Variants in ZSCAN23 observed in about 807,000 individuals in gnomAD.
ZSCAN23 encodes the protein zinc finger and SCAN domain containing 23.
In ZSCAN23, 19 loss-of-function variants were observed where a neutral mutation model predicts 19.3. The ratio of observed to expected loss-of-function variants is 0.99; its 90% CI spans 0.69 to 1.45. The LOEUF (loss-of-function observed/expected upper bound fraction) is 1.45. ZSCAN23 is among the 40% of genes most tolerant of loss of function. The pLI is 0.00. For missense variants in ZSCAN23, 372 were observed against 462.5 expected, an observed-to-expected ratio of 0.80 and a Z score of 1.79; for synonymous variants, 140 against 166.2, an observed-to-expected ratio of 0.84 and a Z score of 1.21.
At chr6:28,429,885 G>A (rs1581799923), downstream of ZSCAN23, among the ~76,000 whole-genome samples, 1 of 151,762 alleles carries the variant, frequency 6.6e-6, no homozygotes, top group South Asian at 2.1e-4. Context: ...ACAGTCCCAG[G>A]ACACTAAAAC....
Position 28,434,878 on chromosome 6 carries a change from C to T in ZSCAN23, c.757G>A (p.Glu253Lys). The part of the protein sequence containing the change: ...SSVERPYICS[E>K]CGKSFTQNSI... The stretch of plus-strand genomic sequence containing the variant: ...TTCTGGGTGAAGCTTTTTCCACATT[C>T]ACTACAGATATAGGGTCTCTCCACT... Residue 253 changes from glutamate to lysine, a missense_variant, in exon 4 of 4, where the codon GAA becomes AAA. Transcript: ENST00000289788. 1 of 1,559,074 alleles carries T rather than the reference C, an allele frequency of 6.4e-7. No individual in the cohort carries two copies. Among genetic ancestry groups the T allele is most frequent in the Non-Finnish European group, 8.7e-7 (1 of 1,151,308 alleles).
Position 28,432,916 on chromosome 6 carries a change from T to C in ZSCAN23, c.*1549A>G, listed in dbSNP as rs1761788367. The C allele has an allele frequency of 6.6e-6, 1 of 152,092 alleles. No individual in the cohort carries two copies. The highest frequency in any genetic ancestry group is 1.5e-5 in the Non-Finnish European group (1 of 67,970). 9.4% of individuals were successfully genotyped at this position (152,092 alleles called of 1,614,324 possible). A position where few individuals can be genotyped will look rare whatever the true frequency, so the allele number is the denominator to read the frequency against. On this transcript the variant is annotated 3_prime_UTR_variant, in exon 4 of 4. Transcript: ENST00000289788. ...ACATAAAGAAACACTGAAAGATACA[T>C]AAGAAACTAGTACAATGGCTACTTA...
chr6:28,435,362 G>T, intron 3 of ZSCAN23, 98 bp downstream of exon 3: 1 of 1,427,376 alleles, frequency 7.0e-7, no homozygotes, highest in African/African-American at 1.4e-5. Context: ...CTGGTACCTG[G>T]CACAGTGCCT....
downstream of ZSCAN23, among the ~76,000 whole-genome samples, chr6:28,428,459 TTC>T (rs1174971270): frequency 5.9e-5 from 9 of 152,312 alleles, no homozygotes; most frequent in African/African-American, 2.2e-4. Flanking sequence ...TGACAGGCAG[TTC>T]TCTCAGTACC....
intron 1 of ZSCAN23, among the ~76,000 whole-genome samples, chr6:28,437,576 C>G (rs1290417541): frequency 6.6e-6 from 1 of 152,084 alleles, no homozygotes; most frequent in East Asian, 1.9e-4. Flanking sequence ...GAGCAAGACT[C>G]TGTCTCAAAA....
At chr6:28,437,305 G>A (rs1761912948) in intron 1 of ZSCAN23, among the ~76,000 whole-genome samples, 1 of 152,146 alleles carries the variant, frequency 6.6e-6, no homozygotes, top group Admixed American at 6.5e-5. Context: ...AAGGTGGAGA[G>A]TAGGCAATTT....
chr6:28,429,478 A>T (rs1222962307), downstream of ZSCAN23, among the ~76,000 whole-genome samples: 3 of 152,170 alleles, frequency 2.0e-5, no homozygotes, highest in African/African-American at 4.8e-5. Context: ...GGGGATTTTT[A>T]TGAAAACTCT....
rs1182623209 is a variant in ZSCAN23, at chr6:28,436,003, T to C, written c.264A>G (p.Leu88=). 1.9e-6 allele frequency: 3 copies of C among 1,614,074 alleles called. No individual in the cohort carries two copies. Among genetic ancestry groups the C allele is most frequent in the Non-Finnish European group, 2.5e-6 (3 of 1,180,024 alleles). Residue 88 remains leucine (L), a synonymous_variant, in exon 2 of 4, where the codon CTA becomes CTG. Coordinates refer to ENST00000289788, the MANE Select transcript of ZSCAN23 (RefSeq NM_001012455.2). The part of the protein sequence containing the change: ...RPEMHTKEQI[L]ELLVLEQFLT... ...GGAACTGCTCCAGCACCAGCAGCTC[T>C]AGGATCTGCTCCTTGGTGTGCATCT...
chr6:28,430,031 G>T (rs548000125), downstream of ZSCAN23, among the ~76,000 whole-genome samples: 22 of 126,472 alleles, frequency 1.7e-4, no homozygotes, highest in Non-Finnish European at 3.6e-4. Flanking sequence ...CGCAGAAGCC[G>T]CCTCAAAAAG....
In ZSCAN23 at chr6:28,433,296, G is replaced by A. The variant is rs751821819; in HGVS notation, c.*1169C>T. ...CTAGGAAGTAGGAGACAGGGTTCTAGTTCCAGCTCTGCTTTTAACTGGCTG... is the reference window on the plus strand; with the variant it reads ...CTAGGAAGTAGGAGACAGGGTTCTAATTCCAGCTCTGCTTTTAACTGGCTG... On this transcript the variant is annotated 3_prime_UTR_variant, in exon 4 of 4. Coordinates refer to ENST00000289788, the MANE Select transcript of ZSCAN23 (RefSeq NM_001012455.2). The A allele has an allele frequency of 7.9e-5, 12 of 152,076 alleles. No individual in the cohort carries two copies. Among genetic ancestry groups the A allele is most frequent in the Non-Finnish European group, 1.6e-4 (11 of 67,984 alleles). The allele number at this position is 152,076 out of a possible 1,614,324, so 9.4% of individuals were successfully genotyped here. A position where few individuals can be genotyped will look rare whatever the true frequency, so the allele number is the denominator to read the frequency against.
chr6:28,434,359 G>A lies in ZSCAN23; in HGVS notation c.*106C>T. The stretch of plus-strand genomic sequence containing the variant: ...TATTTAAGATATTATGCTTCTCTCT[G>A]CATAAAAGTAAGGGAATTTTTACTG... On this transcript the variant is annotated 3_prime_UTR_variant, in exon 4 of 4. Transcript: ENST00000289788. 1.5e-6 allele frequency: 2 copies of A among 1,296,874 alleles called. No individual in the cohort carries two copies. Among genetic ancestry groups the A allele is most frequent in the Non-Finnish European group, 2.1e-6 (2 of 964,736 alleles). 80.3% of individuals were successfully genotyped at this position (1,296,874 alleles called of 1,614,324 possible). A position where few individuals can be genotyped will look rare whatever the true frequency, so the allele number is the denominator to read the frequency against.
intron 1 of ZSCAN23, among the ~76,000 whole-genome samples, chr6:28,440,390 C>T (rs1761977836): frequency 6.6e-6 from 1 of 152,136 alleles, no homozygotes. Flanking sequence ...ATAACTCTAG[C>T]CGCTGTGTCA....
chr6:28,427,877 C>T (rs146224116), downstream of ZSCAN23, among the ~76,000 whole-genome samples: 300 of 152,058 alleles, frequency 2.0e-3, no homozygotes, highest in African/African-American at 6.5e-3. Context: ...GTCAGGAGTT[C>T]GACACCAGCT....
intron 1 of ZSCAN23, among the ~76,000 whole-genome samples, chr6:28,442,580 A>G (rs1419353856): frequency 6.6e-6 from 1 of 152,244 alleles, no homozygotes; most frequent in Non-Finnish European, 1.5e-5. Context: ...CTAGAAGCCC[A>G]GGACTACTGA....
rs960462432 is a variant in ZSCAN23 at position 28,435,397 on chromosome 6, T to C, written c.556+63A>G. 1.6e-5 allele frequency: 25 copies of C among 1,519,826 alleles called. No homozygotes were observed. In the African/African-American group the frequency reaches 3.2e-4, roughly 19 times the overall value. 94.1% of individuals were successfully genotyped at this position (1,519,826 alleles called of 1,614,324 possible). On this transcript the variant is annotated intron_variant, in intron 3 of 3. Transcript: ENST00000289788. The stretch of plus-strand genomic sequence containing the variant: ...TGGCATACAGCAGACACTAAATAAA[T>C]GGGTTGAATTGATAAATATTCAGGG...
downstream of ZSCAN23, among the ~76,000 whole-genome samples, chr6:28,427,357 C>G (rs1761677747): frequency 1.3e-5 from 2 of 152,216 alleles, no homozygotes; most frequent in Admixed American, 1.3e-4. Context: ...TCAGGAAGAA[C>G]AGTTATGCAT....
chr6:28,422,609 T>C, the ZSCAN23 span, among the ~76,000 whole-genome samples: 1 of 152,190 alleles, frequency 6.6e-6, no homozygotes, highest in African/African-American at 2.4e-5. This position sits in a 1 kb window ranked among gnomAD's most constrained non-coding sequence, Gnocchi z 4.0. Flanking sequence ...TAGAAAAACA[T>C]TCTCCTGTCT....
At chr6:28,440,010 G>A (rs1444881850) in intron 1 of ZSCAN23, among the ~76,000 whole-genome samples, 1 of 152,136 alleles carries the variant, frequency 6.6e-6, no homozygotes, top group East Asian at 1.9e-4. Flanking sequence ...AGAGAGTAAG[G>A]GGAAAGAAAG....
intron 1 of ZSCAN23, among the ~76,000 whole-genome samples, chr6:28,440,462 C>A (rs1313908627): frequency 1.3e-5 from 2 of 152,118 alleles, no homozygotes; most frequent in African/African-American, 2.4e-5. Flanking sequence ...GGGAAGAGAT[C>A]ATCATGGCTT....
Sources: allele counts gnomAD v4.1 joint callset (sites outside exome capture counted in the v4.1 genomes callset), GRCh38; gene constraint gnomAD v4.1.1; non-coding constraint Gnocchi (gnomAD v3.1); transcripts MANE v1.5; gene names NCBI Gene and HGNC (gene_info 2026-07-23, HGNC 2026-07-21).